The following ARMC10 variants were observed in gnomAD, a reference collection of about 807,000 sequenced individuals.
ARMC10 encodes the protein armadillo repeat containing 10.
A neutral mutation model predicts 30.2 loss-of-function variants in ARMC10; 23 were observed. The observed-to-expected ratio is 0.76, with a 90% CI of 0.55 to 1.08. The LOEUF is 1.08. Among genes scored for constraint, ARMC10 ranks in the 50% least tolerant of loss-of-function variants. ARMC10 has a pLI of 0.00. For missense variants in ARMC10, 303 were observed against 413.7 expected, an observed-to-expected ratio of 0.73 and a Z score of 2.32; for synonymous variants, 111 against 164.4, an observed-to-expected ratio of 0.68 and a Z score of 2.48.
chr7:103,080,410 AC>A (rs1203696386), intron 2 of ARMC10, among the ~76,000 whole-genome samples: 1 of 151,830 alleles, frequency 6.6e-6, no homozygotes, highest in Admixed American at 6.6e-5. Flanking sequence ...ATGTGCCACC[AC>A]TGCTGGCTAA....
chr7:103,080,283 G>C (rs7350051), intron 2 of ARMC10, among the ~76,000 whole-genome samples: 133,466 of 152,278 alleles, frequency 0.88, 61,187 homozygotes, highest in East Asian at 1. Flanking sequence ...GAGATGGAGT[G>C]TTGCTCTGTC....
chr7:103,075,781 C>A lies in ARMC10; in HGVS notation c.144C>A (p.Ala48=). Residue 48 remains alanine (A), a synonymous_variant, in exon 2 of 7, where the codon GCC becomes GCA. Transcript: ENST00000323716. Reference sequence around the variant, plus strand: ...TAGGTCAATCTCTGCTTGCAGGTGCCCTGGAAGAAGGGACGTCAGAGGGTC... The same window carrying A: ...TAGGTCAATCTCTGCTTGCAGGTGCACTGGAAGAAGGGACGTCAGAGGGTC... The part of the protein sequence containing the change: ...LGIRSSKSAG[A]LEEGTSEGQL... 6.2e-7 allele frequency: 1 copy of A among 1,606,886 alleles called. No individual in the cohort carries two copies. Among genetic ancestry groups the A allele is most frequent in the Non-Finnish European group, 8.5e-7 (1 of 1,176,848 alleles).
chr7:103,092,320 G>A (rs1175581797), intron 4 of ARMC10, among the ~76,000 whole-genome samples, 157 bp from the exon 5 acceptor site: 7 of 97,994 alleles, frequency 7.1e-5, no homozygotes, highest in South Asian at 8.8e-4. Flanking sequence ...GAGACAGCGA[G>A]ACTCCGTCTC....
intron 4 of ARMC10, 150 bp downstream of exon 4, chr7:103,086,914 G>C (rs1264080494): frequency 6.6e-7 from 1 of 1,512,900 alleles, no homozygotes; most frequent in South Asian, 1.2e-5. Flanking sequence ...AGAAGAGGGA[G>C]GGACCTGAAC....
In ARMC10 at chr7:103,080,187, G is replaced by A. The variant is rs763537526; in HGVS notation, c.245-3495G>A. Among the ~76,000 whole-genome samples the A allele has an allele frequency of 3.3e-5, 5 of 152,142 alleles. No individual in the cohort carries two copies. The East Asian group carries it at 5.8e-4, about 18-fold the overall frequency. On this transcript the variant is annotated intron_variant, in intron 2 of 6. Transcript: ENST00000323716. ...TGGAAGAGCTGAGTATTTGATGATC[G>A]CCCTCCTGTAAAATTTTTAGAGTTT... is the stretch of plus-strand genomic sequence containing the variant.
rs140029599 is a variant in ARMC10 at position 103,089,310 on chromosome 7, G to A, written c.528+2546G>A. The A allele has an allele frequency of 3.9e-3, 764 of 195,812 alleles. 6 individuals are homozygous for A. The highest frequency in any genetic ancestry group is 0.017 in the African/African-American group (717 of 43,084). The allele number at this position is 195,812 out of a possible 1,614,324, so 12.1% of individuals were successfully genotyped here. On this transcript the variant is annotated intron_variant, in intron 4 of 6. Coordinates refer to ENST00000323716, the MANE Select transcript of ARMC10 (RefSeq NM_031905.5). ...GTTTTTCAGGCAGTTTGTAAACAGC[G>A]TAATCTGCTCCCAGAGATTGTGCCG...
rs1799582377 is a variant in ARMC10 at position 103,075,224 on chromosome 7, G to A, written c.-49G>A. 1.8e-6 allele frequency: 2 copies of A among 1,138,976 alleles called. No homozygotes were observed. Among genetic ancestry groups the A allele is most frequent in the African/African-American group, 1.6e-5 (1 of 61,126 alleles). The allele number at this position is 1,138,976 out of a possible 1,614,324, so 70.6% of individuals were successfully genotyped here. ...GCTGGAGACCTCCGCGCTGGCCCCC[G>A]CGAGCCTCCTGCCCTGGCCCGGCGC... On this transcript the variant is annotated 5_prime_UTR_variant, in exon 1 of 7. Coordinates refer to ENST00000323716, the MANE Select transcript of ARMC10 (RefSeq NM_031905.5).
intron 2 of ARMC10, among the ~76,000 whole-genome samples, chr7:103,082,640 A>G (rs11981558): frequency 0.88 from 133,334 of 152,068 alleles, 61,131 homozygotes; most frequent in East Asian, 1. Flanking sequence ...TAACAATTTT[A>G]TGTGTTTTAA....
intron 2 of ARMC10, among the ~76,000 whole-genome samples, chr7:103,082,077 T>C (rs1800432067): frequency 6.6e-6 from 1 of 151,912 alleles, no homozygotes; most frequent in Non-Finnish European, 1.5e-5. Flanking sequence ...AGTTGTGTTT[T>C]TATCATTCTT....
At chr7:103,075,466 A>C in intron 1 of ARMC10, 55 bp downstream of exon 1, 1 of 1,268,560 alleles carries the variant, frequency 7.9e-7, no homozygotes, top group Non-Finnish European at 9.9e-7. Context: ...GGGGCTCCCC[A>C]GGCCGGGGTG....
In ARMC10 at chr7:103,083,943, A is replaced by G. The variant is rs543056318; in HGVS notation, c.393+113A>G. 225 of 1,484,760 alleles carry G rather than the reference A, an allele frequency of 1.5e-4. No individual in the cohort carries two copies. In the African/African-American group the frequency reaches 2.3e-3, roughly 15 times the overall value. The allele number at this position is 1,484,760 out of a possible 1,614,324, so 92.0% of individuals were successfully genotyped here. A position where few individuals can be genotyped will look rare whatever the true frequency, so the allele number is the denominator to read the frequency against. On this transcript the variant is annotated intron_variant, in intron 3 of 6. Transcript: ENST00000323716. ...GACCCTCAATTTCCTCATCTGTGCAATGTGGCTACTTATACTTAAAACATA... is the reference window on the plus strand; with the variant it reads ...GACCCTCAATTTCCTCATCTGTGCAGTGTGGCTACTTATACTTAAAACATA...
chr7:103,076,709 C>T (rs981604932), intron 2 of ARMC10, among the ~76,000 whole-genome samples: 5 of 152,100 alleles, frequency 3.3e-5, no homozygotes, highest in Non-Finnish European at 7.4e-5. Flanking sequence ...GCGGTGGGTG[C>T]CTGTAATCCC....
At chr7:103,086,398 G>A (rs951676935) in intron 3 of ARMC10, among the ~76,000 whole-genome samples, 1 of 152,074 alleles carries the variant, frequency 6.6e-6, no homozygotes, top group Non-Finnish European at 1.5e-5. Context: ...TCTCAACATT[G>A]TAGTTTAAAT....
chr7:103,076,192 C>T (rs1194505292), intron 2 of ARMC10, among the ~76,000 whole-genome samples: 3 of 152,288 alleles, frequency 2.0e-5, no homozygotes, highest in East Asian at 1.9e-4. Context: ...TTAAATGTAG[C>T]TGGACAGATA....
At position 103,097,103 on chromosome 7, in the gene ARMC10, T is replaced by G; in HGVS notation, c.706-174T>G. 6 of 619,804 alleles carry G rather than the reference T, an allele frequency of 9.7e-6. 1 individual carries two copies. Among genetic ancestry groups the G allele is most frequent in the Admixed American group, 2.8e-5 (1 of 35,380 alleles). The allele number at this position is 619,804 out of a possible 1,614,324, so 38.4% of individuals were successfully genotyped here. On this transcript the variant is annotated intron_variant, in intron 5 of 6. Transcript: ENST00000323716. ...TGCCAAGTGTTATAAGAGTTCAGAA[T>G]GAGACCTTTAAAGTAGAATGAACGG...
At chr7:103,085,606 C>CTTCTTTTTTTTTTTTTTTTTTT (rs1563322299) in intron 3 of ARMC10, among the ~76,000 whole-genome samples, 1 of 130,580 alleles carries the variant, frequency 7.7e-6, no homozygotes. Context: ...CATTTCTCTT[C>CTTCTTTTTTTTTTTTTTTTTTT]TTTTTTTTTT....
intron 4 of ARMC10, among the ~76,000 whole-genome samples, chr7:103,090,804 A>T (rs180947697): frequency 1.0e-4 from 15 of 149,918 alleles, no homozygotes; most frequent in African/African-American, 3.5e-4. Flanking sequence ...AGTCTGAGAC[A>T]GGGGGAATTT....
intron 5 of ARMC10, among the ~76,000 whole-genome samples, chr7:103,093,690 ATGT>A (rs1250857641): frequency 6.6e-6 from 1 of 152,014 alleles, no homozygotes; most frequent in East Asian, 1.9e-4. Flanking sequence ...TCTTTACTGT[ATGT>A]TGTTGCCACT....
chr7:103,097,215 A>C, intron 5 of ARMC10, 62 bp from the exon 6 acceptor site: 2 of 1,363,846 alleles, frequency 1.5e-6, no homozygotes, highest in Non-Finnish European at 2.1e-6. Context: ...AGAGAACAGC[A>C]TGCCTGAGAG....
Sources: gnomAD v4.1 joint callset for allele counts (sites outside exome capture counted in the v4.1 genomes callset) on GRCh38, gnomAD v4.1.1 for gene constraint, MANE v1.5 for transcripts, NCBI Gene and HGNC (gene_info 2026-07-23, HGNC 2026-07-21) for gene names.